The following PKNOX1 variants were observed in gnomAD, a reference collection of about 807,000 sequenced individuals.
The protein encoded by PKNOX1 is homeobox protein PKNOX1.
In PKNOX1, 15 loss-of-function variants were observed where a neutral mutation model predicts 51.9. That is an observed-to-expected ratio of 0.29 (90% CI 0.19 to 0.45). The LOEUF is 0.45. PKNOX1 is among the 20% of genes least tolerant of loss of function. The pLI, the probability that PKNOX1 is intolerant of heterozygous loss-of-function variation, is 1.00. For missense variants in PKNOX1, 462 were observed against 547.5 expected (o/e 0.84, Z 1.56); for synonymous variants, 219 against 211.1 (o/e 1.04, Z -0.32).
intron 1 of PKNOX1, among the ~76,000 whole-genome samples, chr21:42,984,307 A>G: frequency 6.6e-6 from 1 of 152,070 alleles, no homozygotes; most frequent in East Asian, 1.9e-4. Context: ...CATTTTAGTG[A>G]TTTTTAAAAC....
intron 10 of PKNOX1, 139 bp from the exon 11 acceptor site, chr21:43,029,751 C>A: frequency 1.3e-6 from 1 of 754,854 alleles, no homozygotes; most frequent in Non-Finnish European, 2.2e-6. Flanking sequence ...TTCTTAAATC[C>A]CTGTTGAACA....
At chr21:43,003,540 C>T (rs1978856364) in intron 1 of PKNOX1, among the ~76,000 whole-genome samples, 1 of 152,192 alleles carries the variant, frequency 6.6e-6, no homozygotes, top group Admixed American at 6.5e-5. Flanking sequence ...CAGCCTGTCT[C>T]TCCAGTCTCG....
At chr21:43,027,882 C>T (rs1282753039) in intron 9 of PKNOX1, among the ~76,000 whole-genome samples, 1 of 151,814 alleles carries the variant, frequency 6.6e-6, no homozygotes, top group Non-Finnish European at 1.5e-5. Flanking sequence ...TGCCACTGCA[C>T]TCCAGCCTGT....
At chr21:43,025,180 C>T (rs1016467449) in intron 9 of PKNOX1, among the ~76,000 whole-genome samples, 5 of 152,158 alleles carry the variant, frequency 3.3e-5, no homozygotes, top group African/African-American at 1.2e-4. Context: ...AGTCACTGCA[C>T]CCGACTAAAA....
intron 1 of PKNOX1, among the ~76,000 whole-genome samples, chr21:42,996,307 G>C (rs1387393391): frequency 2.0e-5 from 3 of 152,130 alleles, no homozygotes; most frequent in Non-Finnish European, 2.9e-5. Context: ...GAGCAGGAGT[G>C]GGGGCCATGG....
chr21:43,018,142 T>C lies in PKNOX1; in HGVS notation c.632T>C (p.Val211Ala). ...TATTCTCCCTTTCGAGGTGGCACAG[T>C]GTATCAGCCTGTCACGGTCGTCACT... is the stretch of plus-strand genomic sequence containing the variant. ...VAMATVAGGTVYQPVTVVTPQ... is the reference protein window; with the variant it reads ...VAMATVAGGTAYQPVTVVTPQ... Residue 211 changes from valine to alanine, a missense_variant, in exon 7 of 11, where the codon GTG (valine) becomes GCG (alanine). Transcript: ENST00000291547. 1 of 1,602,020 alleles carries C rather than the reference T, an allele frequency of 6.2e-7. No homozygotes were observed. Among genetic ancestry groups the C allele is most frequent in the Non-Finnish European group, 8.5e-7 (1 of 1,170,746 alleles).
chr21:43,001,736 G>A (rs961388687), intron 1 of PKNOX1, among the ~76,000 whole-genome samples: 5 of 152,154 alleles, frequency 3.3e-5, no homozygotes, highest in South Asian at 2.1e-4. Context: ...TGAGGCGGGC[G>A]GATCACAAGG....
intron 1 of PKNOX1, among the ~76,000 whole-genome samples, chr21:42,976,348 A>G (rs1045201792): frequency 3.3e-5 from 5 of 152,198 alleles, no homozygotes; most frequent in African/African-American, 9.7e-5. Flanking sequence ...TACTTTGACA[A>G]TCTGGCCTCA....
chr21:42,998,251 G>GCC (rs1978596651), intron 1 of PKNOX1, among the ~76,000 whole-genome samples: 1 of 152,178 alleles, frequency 6.6e-6, no homozygotes, highest in African/African-American at 2.4e-5. Flanking sequence ...AAAACCATCA[G>GCC]ATCTTGTGGG....
chr21:43,021,589 A>G lies in PKNOX1; in HGVS notation c.849+158A>G, dbSNP rs551023513. ...GTCCATAATGTGGGGAGCGTGGGGC[A>G]CTGCTGCAGGGAACTTGAAGGGCAA... On this transcript the variant is annotated intron_variant, in intron 8 of 10. Coordinates refer to ENST00000291547, the MANE Select transcript of PKNOX1 (RefSeq NM_004571.5). The surrounding 1 kb of genome is among the most constrained non-coding windows in gnomAD (Gnocchi z 4.6). 6.6e-6 allele frequency among the ~76,000 whole-genome samples: 1 copy of G among 152,284 alleles called. No homozygotes were observed. Among genetic ancestry groups the G allele is most frequent in the South Asian group, 2.1e-4 (1 of 4,830 alleles).
At chr21:42,991,421 A>C (rs1235759364) in intron 1 of PKNOX1, among the ~76,000 whole-genome samples, 1 of 152,126 alleles carries the variant, frequency 6.6e-6, no homozygotes, top group Non-Finnish European at 1.5e-5. Context: ...AGTTATTTCA[A>C]GTGACTTCAA....
At position 43,008,863 on chromosome 21, in the gene PKNOX1, C is replaced by G. The variant is rs373928601; in HGVS notation, c.180-1190C>G. Among the ~76,000 whole-genome samples, 8 of 152,168 alleles carry G rather than the reference C, an allele frequency of 5.3e-5. No individual in the cohort carries two copies. The South Asian group carries it at 6.2e-4, about 12-fold the overall frequency. ...TACTCCTATGCATATGTATACCTAA[C>G]ACAAATGAAAAAAGTCCACACAAAA... is the stretch of plus-strand genomic sequence containing the variant. On this transcript the variant is annotated intron_variant, in intron 3 of 10. Coordinates refer to ENST00000291547, the MANE Select transcript of PKNOX1 (RefSeq NM_004571.5).
At position 43,024,888 on chromosome 21, in the gene PKNOX1, G is replaced by A. The variant is rs545568820; in HGVS notation, c.867G>A (p.Glu289=). The A allele has an allele frequency of 1.9e-6, 3 of 1,610,462 alleles. No homozygotes were observed. The highest frequency in any genetic ancestry group is 2.2e-5 in the East Asian group (1 of 44,846). Residue 289 remains glutamate (E), a synonymous_variant, in exon 9 of 11, where the codon GAG becomes GAA. Coordinates refer to ENST00000291547, the MANE Select transcript of PKNOX1 (RefSeq NM_004571.5). The part of the protein sequence containing the change: ...FQHIGHPYPT[E]DEKKQIAAQT... ...ATTTTCAGCATCCCTACCCAACAGA[G>A]GATGAGAAAAAACAGATTGCTGCTC...
chr21:43,029,021 A>G (rs1011503810), intron 10 of PKNOX1, 147 bp downstream of exon 10: 2 of 759,922 alleles, frequency 2.6e-6, no homozygotes, highest in African/African-American at 3.5e-5. Flanking sequence ...CTAAAACATG[A>G]GGAAGCTGCA....
chr21:42,998,609 G>A (rs575183822), intron 1 of PKNOX1, among the ~76,000 whole-genome samples: 1 of 152,304 alleles, frequency 6.6e-6, no homozygotes, highest in South Asian at 2.1e-4. Flanking sequence ...CAGGCATTGG[G>A]TAAATACAGC....
At chr21:43,028,247 G>A (rs1342054850) in intron 9 of PKNOX1, among the ~76,000 whole-genome samples, 1 of 152,236 alleles carries the variant, frequency 6.6e-6, no homozygotes, top group Non-Finnish European at 1.5e-5. Flanking sequence ...GCCACCCAGA[G>A]GCTCGGCCCC....
At chr21:43,024,168 C>T (rs982018640) in intron 8 of PKNOX1, among the ~76,000 whole-genome samples, 10 of 152,148 alleles carry the variant, frequency 6.6e-5, no homozygotes, top group African/African-American at 2.2e-4. Flanking sequence ...AGATCTCACC[C>T]CAGGAAAGCC....
chr21:42,992,217 A>C (rs2059091350), intron 1 of PKNOX1, among the ~76,000 whole-genome samples: 1 of 152,220 alleles, frequency 6.6e-6, no homozygotes, highest in African/African-American at 2.4e-5. Context: ...AGAGTTGTAC[A>C]GATTGTTGAC....
intron 6 of PKNOX1, 88 bp from the exon 7 acceptor site, chr21:43,018,045 T>TAGA: frequency 3.4e-6 from 1 of 296,884 alleles, no homozygotes; most frequent in Non-Finnish European, 5.5e-6. Context: ...TCCCTGTCTC[T>TAGA]ACAAAAAAAA....
Sources: allele counts gnomAD v4.1 joint callset (sites outside exome capture counted in the v4.1 genomes callset), GRCh38; gene constraint gnomAD v4.1.1; non-coding constraint Gnocchi (gnomAD v3.1); transcripts MANE v1.5; gene names NCBI Gene and HGNC (gene_info 2026-07-23, HGNC 2026-07-21).